The following FRMPD4 variants were observed in gnomAD, a reference collection of about 807,000 sequenced individuals.
FRMPD4 encodes FERM and PDZ domain containing 4, also known as FERM and PDZ domain-containing protein 4.
FRMPD4 carries 22 observed loss-of-function variants against 94.1 expected under a neutral mutation model. That is an observed-to-expected ratio of 0.23 (90% CI 0.17 to 0.33). The LOEUF is 0.33. Ranked by LOEUF, FRMPD4 falls within the 10% of genes least tolerant of loss-of-function variation. The pLI is 1.00. For synonymous variants in FRMPD4, 631 were observed against 548.6 expected (o/e 1.15, Z -2.10); for missense variants, 1,111 against 1,339.9 (o/e 0.83, Z 2.67).
intron 2 of FRMPD4, among the ~76,000 whole-genome samples, chrX:12,538,693 A>C (rs2058369348): frequency 8.9e-6 from 1 of 112,073 alleles, no homozygotes; most frequent in East Asian, 2.8e-4. Flanking sequence ...CCAGGCAAAC[A>C]GGGTCTGGAG....
At chrX:11,899,121 A>G (rs1473744249) in intron 3 of FRMPD4, among the ~76,000 whole-genome samples, 1 of 112,392 alleles carries the variant, frequency 8.9e-6, no homozygotes, top group East Asian at 2.8e-4. Context: ...TTTGTAGGGC[A>G]TTTTGTATGA....
chrX:12,078,621 A>G (rs2055038844), intron 3 of FRMPD4, among the ~76,000 whole-genome samples: 1 of 112,353 alleles, frequency 8.9e-6, no homozygotes, highest in Non-Finnish European at 1.9e-5. Flanking sequence ...GGTTGGTTTA[A>G]TTATCAAGTG....
intron 2 of FRMPD4, among the ~76,000 whole-genome samples, chrX:12,560,356 C>CA (rs1406842040): frequency 1.9e-5 from 2 of 105,128 alleles, no homozygotes; most frequent in African/African-American, 6.9e-5. Flanking sequence ...TAGAAGGGAC[C>CA]AAAAAAAAAT....
chrX:11,925,008 C>T (rs2054078264), intron 3 of FRMPD4, among the ~76,000 whole-genome samples: 1 of 110,924 alleles, frequency 9.0e-6, no homozygotes, highest in Non-Finnish European at 1.9e-5. Flanking sequence ...TCAAGAGACC[C>T]ATCTCACATG....
At chrX:12,444,001 A>G (rs1165194879) in intron 1 of FRMPD4, among the ~76,000 whole-genome samples, 3 of 110,957 alleles carry the variant, frequency 2.7e-5, no homozygotes, top group African/African-American at 6.6e-5. Flanking sequence ...CCGTTTTTTC[A>G]TGTTCTAATT....
At chrX:12,049,547 G>A (rs1470951526) in intron 3 of FRMPD4, among the ~76,000 whole-genome samples, 1 of 111,545 alleles carries the variant, frequency 9.0e-6, no homozygotes, top group African/African-American at 3.3e-5. Context: ...TGGACTGCCT[G>A]TATGACGGTG....
intron 3 of FRMPD4, among the ~76,000 whole-genome samples, chrX:11,918,270 T>C (rs2054036229): frequency 8.8e-6 from 1 of 113,063 alleles, no homozygotes; most frequent in African/African-American, 3.2e-5. Flanking sequence ...AGAGAATAAA[T>C]TTGGTTTTGA....
intron 2 of FRMPD4, among the ~76,000 whole-genome samples, chrX:12,584,909 CTA>C (rs1399193652): frequency 9.0e-6 from 1 of 111,620 alleles, no homozygotes; most frequent in African/African-American, 3.3e-5. Flanking sequence ...TTGGGTTTCT[CTA>C]TTTTTATTTT....
At chrX:12,470,090 A>G (rs936824827) in intron 1 of FRMPD4, among the ~76,000 whole-genome samples, 20 of 112,385 alleles carry the variant, frequency 1.8e-4, no homozygotes, top group Non-Finnish European at 2.8e-4. Flanking sequence ...ATGCAGTATT[A>G]TAAGATACAG....
intron 1 of FRMPD4, among the ~76,000 whole-genome samples, chrX:12,447,751 A>T (rs1193545834): frequency 3.6e-5 from 4 of 112,136 alleles, no homozygotes; most frequent in African/African-American, 1.3e-4. Context: ...GGTAAAATCC[A>T]GTTAAGACAA....
intron 1 of FRMPD4, among the ~76,000 whole-genome samples, chrX:12,142,398 TA>T: frequency 8.9e-6 from 1 of 111,742 alleles, no homozygotes; most frequent in African/African-American, 3.2e-5. Flanking sequence ...CAGAATTAAA[TA>T]TTTCCCAGGG....
intron 4 of FRMPD4, among the ~76,000 whole-genome samples, chrX:12,658,534 T>C (rs1457547191): frequency 8.9e-6 from 1 of 112,092 alleles, no homozygotes; most frequent in African/African-American, 3.2e-5. Context: ...CGTTGGCTTC[T>C]TCTCAATAAC....
intron 2 of FRMPD4, among the ~76,000 whole-genome samples, chrX:12,537,262 A>T (rs764284041): frequency 1.8e-5 from 2 of 110,501 alleles, no homozygotes; most frequent in East Asian, 5.6e-4. Context: ...AAAGTTAAAA[A>T]CTCCAAATTC....
intron 3 of FRMPD4, among the ~76,000 whole-genome samples, chrX:12,041,414 A>G (rs141040507): frequency 7.1e-5 from 8 of 112,241 alleles, no homozygotes; most frequent in South Asian, 3.7e-4. Context: ...CTTCATTTAT[A>G]AAGGATAGTT....
intron 1 of FRMPD4, among the ~76,000 whole-genome samples, chrX:11,843,201 A>G (rs866857605): frequency 9.0e-6 from 1 of 111,614 alleles, no homozygotes; most frequent in Non-Finnish European, 1.9e-5. Flanking sequence ...ATTTGGTTTG[A>G]TTACATTTTG....
chrX:12,596,829 T>C (rs185884388), intron 2 of FRMPD4, among the ~76,000 whole-genome samples: 2 of 112,098 alleles, frequency 1.8e-5, no homozygotes, highest in East Asian at 5.6e-4. Context: ...AAGTGTCCTA[T>C]AGCATCTCTA....
In FRMPD4 at chrX:12,420,844, G is replaced by C. The variant is rs1255992308; in HGVS notation, c.42-77836G>C. ...TCTTACATGTCATAGAATCCTCACA[G>C]CATCCTTTTCCAGCTCCATCACTTA... is the stretch of plus-strand genomic sequence containing the variant. On this transcript the variant is annotated intron_variant, in intron 1 of 16. Coordinates refer to ENST00000675598, the MANE Select transcript of FRMPD4 (RefSeq NM_001368397.1). Among the ~76,000 whole-genome samples the C allele has an allele frequency of 2.7e-5, 3 of 112,098 alleles. No individual in the cohort carries two copies. The Admixed American group carries it at 2.8e-4, about 11-fold the overall frequency.
At chrX:12,033,954 C>T (rs1204212216) in intron 3 of FRMPD4, among the ~76,000 whole-genome samples, 2 of 112,616 alleles carry the variant, frequency 1.8e-5, no homozygotes, top group African/African-American at 6.5e-5. Flanking sequence ...GCCTCGGCCT[C>T]CCAAAGTGCT....
intron 5 of FRMPD4, among the ~76,000 whole-genome samples, chrX:12,681,217 C>T (rs1159269305): frequency 1.8e-5 from 2 of 111,931 alleles, no homozygotes; most frequent in Non-Finnish European, 3.8e-5. Flanking sequence ...ATTACAGCCG[C>T]TTCACTTGTG....
Sources: allele counts gnomAD v4.1 joint callset (sites outside exome capture counted in the v4.1 genomes callset), GRCh38; gene constraint gnomAD v4.1.1; transcripts MANE v1.5; gene names NCBI Gene and HGNC (gene_info 2026-07-23, HGNC 2026-07-21).